Variants in DGKB observed in about 807,000 individuals in gnomAD.
DGKB encodes the protein diacylglycerol kinase beta, also known as 90 kDa diacylglycerol kinase.
Under a neutral mutation model 114.3 loss-of-function variants are expected in DGKB, and 67 were observed. The observed-to-expected ratio is 0.59, with a 90% CI of 0.48 to 0.72. The LOEUF is 0.72. DGKB is among the 30% of genes least tolerant of loss of function. The probability of loss-of-function intolerance (pLI) is 0.00; values close to 1 mark genes in which losing one functional copy is unlikely to be tolerated. For missense variants in DGKB, 907 were observed against 975.2 expected, an observed-to-expected ratio of 0.93 and a Z score of 0.93; for synonymous variants, 398 against 323.1, an observed-to-expected ratio of 1.23 and a Z score of -2.49.
At chr7:14,338,480 C>A (rs1384021803) in intron 23 of DGKB, 35 bp downstream of exon 23, 3 of 1,392,562 alleles carry the variant, frequency 2.2e-6, no homozygotes, top group East Asian at 4.8e-5. Flanking sequence ...AACAGGTTAA[C>A]AAGCAATTTA....
intron 23 of DGKB, among the ~76,000 whole-genome samples, chr7:14,264,795 A>ACAGC (rs1330654254): frequency 6.6e-6 from 1 of 152,190 alleles, no homozygotes; most frequent in African/African-American, 2.4e-5. Context: ...AACCACAGCC[A>ACAGC]CAGCCAACAT....
At chr7:14,774,177 T>C (rs566151133) in intron 2 of DGKB, among the ~76,000 whole-genome samples, 2 of 152,346 alleles carry the variant, frequency 1.3e-5, no homozygotes, top group African/African-American at 4.8e-5. Context: ...TTAGGCATTG[T>C]TGTTTCTCTA....
Position 14,649,927 on chromosome 7 carries a change from A to T in DGKB, c.1135-19659T>A, listed in dbSNP as rs988912401. 1.9e-4 allele frequency among the ~76,000 whole-genome samples: 28 copies of T among 144,494 alleles called. 1 individual carries two copies. The highest frequency in any genetic ancestry group is 7.5e-4 in the African/African-American group (28 of 37,306). The allele number at this position is 144,494 out of a possible 152,430, so 94.8% of individuals were successfully genotyped here. On this transcript the variant is annotated intron_variant, in intron 13 of 25. Transcript: ENST00000402815. ...CCATTACATAATGGTAAAGGGATCA[A>T]TTCAACTAGAAGAGCTAACTATCCT...
intron 4 of DGKB, among the ~76,000 whole-genome samples, chr7:14,743,471 G>T (rs186666113): frequency 3.9e-5 from 6 of 152,014 alleles, no homozygotes; most frequent in African/African-American, 9.7e-5. Flanking sequence ...CATTTAACAG[G>T]CTTCCCCAAA....
chr7:14,904,672 A>G (rs1783580783), upstream of DGKB, among the ~76,000 whole-genome samples: 1 of 152,226 alleles, frequency 6.6e-6, no homozygotes, highest in African/African-American at 2.4e-5. Context: ...TAAAAATCAT[A>G]TAATACCTTA....
chr7:14,816,239 C>T (rs1452566595), intron 2 of DGKB, among the ~76,000 whole-genome samples: 1 of 152,096 alleles, frequency 6.6e-6, no homozygotes, highest in Non-Finnish European at 1.5e-5. Context: ...GAGGCCGAGA[C>T]AGGAGAATCG....
intron 20 of DGKB, among the ~76,000 whole-genome samples, chr7:14,554,803 T>A (rs928709489): frequency 1.1e-4 from 16 of 152,116 alleles, no homozygotes; most frequent in African/African-American, 3.4e-4. Flanking sequence ...ATATTAGGGA[T>A]TTTTTTCATC....
chr7:14,518,455 C>A (rs1225430418), intron 20 of DGKB, among the ~76,000 whole-genome samples: 1 of 151,724 alleles, frequency 6.6e-6, no homozygotes, highest in Non-Finnish European at 1.5e-5. Flanking sequence ...TGCCCATGTA[C>A]CCCTGAACCT....
rs866973419 is a variant in DGKB at position 14,451,007 on chromosome 7, G to A, written c.1835+27154C>T. 5.3e-5 allele frequency among the ~76,000 whole-genome samples: 8 copies of A among 152,102 alleles called. No homozygotes were observed. In the East Asian group the frequency reaches 7.8e-4, roughly 15 times the overall value. ...AAAATATCAGATGGGTCTCCACAGC[G>A]GATACCAGTGTAAGATGCCCAGAGA... On this transcript the variant is annotated intron_variant, in intron 21 of 25. Transcript: ENST00000402815.
intron 21 of DGKB, among the ~76,000 whole-genome samples, chr7:14,466,174 T>C (rs898897569): frequency 6.6e-6 from 1 of 152,188 alleles, no homozygotes; most frequent in African/African-American, 2.4e-5. Context: ...ACTGGTCTTA[T>C]CTTTCATTGA....
intron 23 of DGKB, among the ~76,000 whole-genome samples, chr7:14,267,512 G>A (rs377029095): frequency 3.3e-5 from 5 of 149,558 alleles, no homozygotes; most frequent in East Asian, 3.9e-4. Flanking sequence ...TTTTTGAGAC[G>A]GAGTCTGGCT....
intron 23 of DGKB, among the ~76,000 whole-genome samples, chr7:14,207,824 GA>G: frequency 6.6e-6 from 1 of 152,072 alleles, no homozygotes; most frequent in African/African-American, 2.4e-5. Context: ...TGGAACAAAA[GA>G]GGGGAAGGAA....
intron 1 of DGKB, among the ~76,000 whole-genome samples, chr7:14,856,312 C>T (rs1029500192): frequency 6.6e-6 from 1 of 152,028 alleles, no homozygotes; most frequent in Non-Finnish European, 1.5e-5. Context: ...AAATAAGATT[C>T]TCATTGAAAT....
At chr7:14,478,475 T>C (rs1782524640) in intron 20 of DGKB, among the ~76,000 whole-genome samples, 1 of 152,170 alleles carries the variant, frequency 6.6e-6, no homozygotes, top group African/African-American at 2.4e-5. Flanking sequence ...TCTAAGACTT[T>C]ATTGCTATTT....
intron 23 of DGKB, among the ~76,000 whole-genome samples, chr7:14,206,025 A>G (rs1163179143): frequency 6.6e-6 from 1 of 152,042 alleles, no homozygotes; most frequent in Admixed American, 6.6e-5. Flanking sequence ...TAATTAATTT[A>G]ATAATGCACA....
chr7:14,859,764 G>A (rs796868991), intron 1 of DGKB, among the ~76,000 whole-genome samples: 3 of 151,890 alleles, frequency 2.0e-5, no homozygotes, highest in Non-Finnish European at 2.9e-5. Flanking sequence ...CTATCTCCCC[G>A]TACCTCCTTC....
At chr7:14,632,587 G>C (rs750534146) in intron 13 of DGKB, among the ~76,000 whole-genome samples, 1 of 151,798 alleles carries the variant, frequency 6.6e-6, no homozygotes, top group East Asian at 1.9e-4. Flanking sequence ...GCCTAAAAGT[G>C]TGTAAAAATG....
At chr7:14,376,159 C>G (rs367832369) in intron 21 of DGKB, among the ~76,000 whole-genome samples, 3 of 152,162 alleles carry the variant, frequency 2.0e-5, no homozygotes, top group East Asian at 3.9e-4. Flanking sequence ...AGACAACCAG[C>G]TTGCACTTGT....
chr7:14,813,116 A>C (rs1843653469), intron 2 of DGKB, among the ~76,000 whole-genome samples: 1 of 152,200 alleles, frequency 6.6e-6, no homozygotes, highest in Non-Finnish European at 1.5e-5. Context: ...GGAATGTTCA[A>C]AGATGTGTGA....
Sources: allele counts gnomAD v4.1 joint callset (sites outside exome capture counted in the v4.1 genomes callset), GRCh38; gene constraint gnomAD v4.1.1; transcripts MANE v1.5; gene names NCBI Gene and HGNC (gene_info 2026-07-23, HGNC 2026-07-21).